XRN1: variants seen among roughly 807,000 people sequenced by gnomAD.
XRN1 encodes 5'-3' exoribonuclease 1, also known as strand-exchange protein 1 homolog.
A neutral mutation model predicts 222.3 loss-of-function variants in XRN1; 67 were observed. The ratio of observed to expected loss-of-function variants is 0.30; its 90% CI spans 0.25 to 0.37. The LOEUF (loss-of-function observed/expected upper bound fraction) is 0.37. Among genes scored for constraint, XRN1 ranks in the 10% least tolerant of loss-of-function variants. XRN1 has a pLI of 1.00. For missense variants in XRN1, 1,707 were observed against 2,000.2 expected (o/e 0.85, Z 2.80); for synonymous variants, 643 against 652.4 (o/e 0.99, Z 0.22).
In XRN1 at chr3:142,309,959, T is replaced by G. The variant is rs1260251454; in HGVS notation, c.*1552A>C. 1.3e-5 allele frequency: 2 copies of G among 152,566 alleles called. No homozygotes were observed. The highest frequency in any genetic ancestry group is 4.8e-5 in the African/African-American group (2 of 41,444). 9.5% of individuals were successfully genotyped at this position (152,566 alleles called of 1,614,324 possible). On this transcript the variant is annotated 3_prime_UTR_variant, in exon 41 of 41. Coordinates refer to ENST00000392981, the MANE Select transcript of XRN1 (RefSeq NM_001282857.2). ...TCCCACTACAGATAAAGAAACAATG[T>G]TGGGAACTGATAAACATCTGAACTT... is the stretch of plus-strand genomic sequence containing the variant.
chr3:142,418,261 C>A, intron 12 of XRN1: 1 of 396,364 alleles, frequency 2.5e-6, no homozygotes, highest in Non-Finnish European at 4.4e-6. Context: ...TTATAAACAA[C>A]TTTGTAACAA....
intron 2 of XRN1, among the ~76,000 whole-genome samples, chr3:142,431,847 AT>A (rs2069545278): frequency 2.2e-5 from 1 of 46,144 alleles, no homozygotes; most frequent in Non-Finnish European, 4.0e-5. Flanking sequence ...ATATTAAAAA[AT>A]ATATATATTA....
intron 36 of XRN1, 56 bp from the exon 37 acceptor site, chr3:142,329,671 T>C (rs1346550274): frequency 1.4e-6 from 2 of 1,480,750 alleles, no homozygotes; most frequent in Non-Finnish European, 1.8e-6. Context: ...TCTCAAATTA[T>C]GCACTTATTG....
intron 36 of XRN1, among the ~76,000 whole-genome samples, chr3:142,329,872 A>T (rs540224689): frequency 6.6e-6 from 1 of 152,104 alleles, no homozygotes; most frequent in Non-Finnish European, 1.5e-5. Context: ...CGCACCTTAT[A>T]AATTTGGTCG....
intron 2 of XRN1, among the ~76,000 whole-genome samples, chr3:142,428,572 G>GCCTAGATTCTGTCATTAAAGATTTCAT (rs1246676164): frequency 1.3e-5 from 2 of 152,178 alleles, no homozygotes; most frequent in East Asian, 3.9e-4. Context: ...TGAGACAGTA[G>GCCTAGATTCTGTCATTAAAGATTTCAT]CATTAAAGAT....
intron 12 of XRN1, chr3:142,417,745 T>C (rs2068840739): frequency 6.6e-6 from 1 of 152,234 alleles, no homozygotes; most frequent in African/African-American, 2.4e-5. Context: ...ATCTTCTAAG[T>C]TTGGGTAAAA....
intron 8 of XRN1, 60 bp downstream of exon 8, chr3:142,422,522 T>A: frequency 6.6e-7 from 1 of 1,521,874 alleles, no homozygotes; most frequent in East Asian, 2.3e-5. Flanking sequence ...TAAGTCACAT[T>A]TTTAGGGTAA....
At chr3:142,441,173 C>T (rs1240603298) in intron 1 of XRN1, among the ~76,000 whole-genome samples, 1 of 152,176 alleles carries the variant, frequency 6.6e-6, no homozygotes, top group Non-Finnish European at 1.5e-5. Flanking sequence ...GGAATGTATC[C>T]AGCCTATACT....
intron 37 of XRN1, among the ~76,000 whole-genome samples, chr3:142,319,336 A>G (rs922100341): frequency 1.3e-5 from 2 of 152,086 alleles, no homozygotes; most frequent in African/African-American, 4.8e-5. Context: ...GACTCTTCAC[A>G]GAAAAAATTT....
intron 26 of XRN1, among the ~76,000 whole-genome samples, chr3:142,370,966 C>T (rs1235199421): frequency 6.6e-6 from 1 of 151,658 alleles, no homozygotes; most frequent in Non-Finnish European, 1.5e-5. Context: ...TGGCCTGAGC[C>T]TAGGAGTCAA....
At chr3:142,431,843 A>ATT (rs2069543487) in intron 2 of XRN1, among the ~76,000 whole-genome samples, 2 of 75,342 alleles carry the variant, frequency 2.7e-5, no homozygotes, top group Non-Finnish European at 4.7e-5. Flanking sequence ...TATAATATTA[A>ATT]AAAATATATA....
intron 1 of XRN1, among the ~76,000 whole-genome samples, chr3:142,445,655 T>C (rs1462765293): frequency 1.3e-5 from 2 of 152,188 alleles, no homozygotes; most frequent in Non-Finnish European, 1.5e-5. Flanking sequence ...TTGTCTCTAT[T>C]GTCCCTTTCA....
chr3:142,396,757 T>C (rs1228422361), intron 20 of XRN1, among the ~76,000 whole-genome samples: 1 of 152,218 alleles, frequency 6.6e-6, no homozygotes, highest in Non-Finnish European at 1.5e-5. Context: ...CCTCTCGTAT[T>C]CTGCTTTTGT....
chr3:142,429,868 C>T (rs2069448405), intron 2 of XRN1: 1 of 152,136 alleles, frequency 6.6e-6, no homozygotes, highest in Non-Finnish European at 1.5e-5. Context: ...TATATTTCAG[C>T]AATGGTAAAG....
At chr3:142,335,633 G>A (rs2065832178) in intron 33 of XRN1, 124 bp from the exon 34 acceptor site, 2 of 806,268 alleles carry the variant, frequency 2.5e-6, no homozygotes, top group Non-Finnish European at 4.0e-6. Context: ...CACAGTCTCT[G>A]AACTTAAGGA....
intron 1 of XRN1, among the ~76,000 whole-genome samples, chr3:142,443,841 A>G (rs951251644): frequency 2.5e-4 from 38 of 152,378 alleles, no homozygotes; most frequent in African/African-American, 8.7e-4. Context: ...AGCGTCCATC[A>G]ACAAATGAAT....
intron 24 of XRN1, 41 bp from the exon 25 acceptor site, chr3:142,375,985 C>CACAT: frequency 5.9e-6 from 9 of 1,517,952 alleles, no homozygotes; most frequent in Non-Finnish European, 7.9e-6. Context: ...CACACACACA[C>CACAT]ACACACACAC....
At chr3:142,403,045 T>G (rs956189457) in intron 18 of XRN1, among the ~76,000 whole-genome samples, 2 of 152,234 alleles carry the variant, frequency 1.3e-5, no homozygotes, top group Non-Finnish European at 2.9e-5. Context: ...AATTAATCTT[T>G]ATGAAAATAT....
intron 27 of XRN1, among the ~76,000 whole-genome samples, chr3:142,367,592 C>T (rs1048360368): frequency 3.3e-5 from 5 of 151,974 alleles, no homozygotes; most frequent in Admixed American, 1.3e-4. Context: ...GTCACCCAGG[C>T]CAGAGTGCAG....
Sources: allele counts gnomAD v4.1 joint callset (sites outside exome capture counted in the v4.1 genomes callset), GRCh38; gene constraint gnomAD v4.1.1; transcripts MANE v1.5; gene names NCBI Gene and HGNC (gene_info 2026-07-23, HGNC 2026-07-21).